CBFA2T2: variants seen among roughly 807,000 people sequenced by gnomAD.
CBFA2T2 encodes CBFA2/RUNX1 partner transcriptional co-repressor 2, also known as protein CBFA2T2.
A neutral mutation model predicts 62.2 loss-of-function variants in CBFA2T2; 11 were observed. That is an observed-to-expected ratio of 0.18 (90% CI 0.11 to 0.29). The LOEUF is 0.29. Among genes scored for constraint, CBFA2T2 ranks in the 10% least tolerant of loss-of-function variants. The pLI is 1.00. For synonymous variants in CBFA2T2, 295 were observed against 287.5 expected, an observed-to-expected ratio of 1.03 and a Z score of -0.27; for missense variants, 592 against 774.1, an observed-to-expected ratio of 0.76 and a Z score of 2.79.
At chr20:33,593,048 T>A (rs1386969882) in intron 1 of CBFA2T2, among the ~76,000 whole-genome samples, 6 of 152,156 alleles carry the variant, frequency 3.9e-5, no homozygotes, top group Non-Finnish European at 8.8e-5. Context: ...TGAAAAATTA[T>A]GACCAGGCAC....
chr20:33,572,320 C>G (rs935374829), intron 1 of CBFA2T2, among the ~76,000 whole-genome samples: 1 of 152,054 alleles, frequency 6.6e-6, no homozygotes, highest in African/African-American at 2.4e-5. Context: ...CCAGCTTGCT[C>G]TCAAGTGGTT....
At chr20:33,577,216 C>G (rs901038416) in intron 1 of CBFA2T2, among the ~76,000 whole-genome samples, 4 of 152,222 alleles carry the variant, frequency 2.6e-5, no homozygotes, top group South Asian at 2.1e-4. Context: ...TGTGCCTATA[C>G]TAAGTATTTA....
At chr20:33,591,463 A>T (rs2014625333) in intron 1 of CBFA2T2, among the ~76,000 whole-genome samples, 1 of 136,122 alleles carries the variant, frequency 7.3e-6, no homozygotes. Context: ...AACAGAGTAA[A>T]TCTCAAAAAA....
chr20:33,546,131 T>C (rs2012560208), intron 1 of CBFA2T2, among the ~76,000 whole-genome samples: 1 of 152,224 alleles, frequency 6.6e-6, no homozygotes, highest in African/African-American at 2.4e-5. Flanking sequence ...GAAGAGGTGC[T>C]TATTTGTATA....
At chr20:33,593,861 A>T (rs1451867810) in intron 1 of CBFA2T2, among the ~76,000 whole-genome samples, 1 of 152,150 alleles carries the variant, frequency 6.6e-6, no homozygotes. Context: ...TTCTGTCCAC[A>T]CATATCCCAA....
rs567849261 is a variant in CBFA2T2, at chr20:33,647,904, G to T, written c.*3258G>T. On this transcript the variant is annotated 3_prime_UTR_variant, in exon 11 of 11. Coordinates refer to ENST00000342704, the MANE Select transcript of CBFA2T2 (RefSeq NM_001032999.3). The stretch of plus-strand genomic sequence containing the variant: ...CCTTCTGCTGTGTTAATTCTGGTCA[G>T]TTTCACACAGAAGTCACGAGGGCCT... 6 of 152,378 alleles carry T rather than the reference G, an allele frequency of 3.9e-5. No individual in the cohort carries two copies. In the South Asian group the frequency reaches 1.2e-3, roughly 32 times the overall value. The allele number at this position is 152,378 out of a possible 1,614,324, so 9.4% of individuals were successfully genotyped here. A position where few individuals can be genotyped will look rare whatever the true frequency, so the allele number is the denominator to read the frequency against.
At chr20:33,577,582 A>G (rs1328815122) in intron 1 of CBFA2T2, among the ~76,000 whole-genome samples, 1 of 152,250 alleles carries the variant, frequency 6.6e-6, no homozygotes, top group Non-Finnish European at 1.5e-5. Flanking sequence ...CAGGAACTAT[A>G]TAGTAGAATG....
chr20:33,622,718 T>C (rs2016036423), intron 4 of CBFA2T2, among the ~76,000 whole-genome samples: 1 of 152,142 alleles, frequency 6.6e-6, no homozygotes. Context: ...CAGAGATGAG[T>C]TGGGGTCCAG....
intron 1 of CBFA2T2, among the ~76,000 whole-genome samples, chr20:33,572,606 T>C (rs2146904203): frequency 6.6e-6 from 1 of 152,308 alleles, no homozygotes; most frequent in Non-Finnish European, 1.5e-5. Flanking sequence ...GATAAGAATA[T>C]TCCAGTGCAA....
chr20:33,527,710 T>G (rs1244181482), intron 1 of CBFA2T2, among the ~76,000 whole-genome samples: 2 of 151,810 alleles, frequency 1.3e-5, no homozygotes, highest in East Asian at 1.9e-4. Context: ...TTCTTTTTTT[T>G]TTGTTGTATT....
intron 1 of CBFA2T2, among the ~76,000 whole-genome samples, chr20:33,549,938 T>G (rs954316985): frequency 6.7e-6 from 1 of 150,062 alleles, no homozygotes. Flanking sequence ...ACACTGGCAG[T>G]TGGGGTTCAT....
chr20:33,522,766 A>T (rs1022970097), intron 1 of CBFA2T2, among the ~76,000 whole-genome samples: 4 of 152,122 alleles, frequency 2.6e-5, no homozygotes, highest in Non-Finnish European at 5.9e-5. Context: ...ATAAGTAAAT[A>T]AATAAAACAG....
At chr20:33,541,683 A>G (rs912242987) in intron 1 of CBFA2T2, among the ~76,000 whole-genome samples, 4 of 152,110 alleles carry the variant, frequency 2.6e-5, no homozygotes, top group Non-Finnish European at 5.9e-5. Context: ...CATTTTCCCA[A>G]ATCATCTGAA....
chr20:33,530,944 G>A (rs2012042562), intron 1 of CBFA2T2, among the ~76,000 whole-genome samples: 1 of 152,114 alleles, frequency 6.6e-6, no homozygotes, highest in African/African-American at 2.4e-5. Flanking sequence ...GCCGGGTGTG[G>A]TGGCAGGCGC....
intron 1 of CBFA2T2, among the ~76,000 whole-genome samples, chr20:33,589,736 C>T (rs1221630218): frequency 6.6e-6 from 1 of 152,116 alleles, no homozygotes; most frequent in East Asian, 1.9e-4. Flanking sequence ...TGTCTGAATC[C>T]AGCCACTGCC....
chr20:33,565,039 C>T (rs2013247771), intron 1 of CBFA2T2, among the ~76,000 whole-genome samples: 1 of 152,150 alleles, frequency 6.6e-6, no homozygotes, highest in South Asian at 2.1e-4. Flanking sequence ...CCTGCCTCAG[C>T]CTCCAGAGTA....
At chr20:33,577,113 G>C (rs1205456845) in intron 1 of CBFA2T2, among the ~76,000 whole-genome samples, 1 of 152,150 alleles carries the variant, frequency 6.6e-6, no homozygotes, top group Non-Finnish European at 1.5e-5. Flanking sequence ...CAGTCTATTT[G>C]GAAAACACAG....
chr20:33,567,604 C>T (rs1252009805), intron 1 of CBFA2T2, among the ~76,000 whole-genome samples: 17 of 147,646 alleles, frequency 1.2e-4, no homozygotes, highest in African/African-American at 3.8e-4. Flanking sequence ...TAATTTGAGA[C>T]GGAGCTTCAC....
At chr20:33,613,956 G>A (rs368939299) in intron 3 of CBFA2T2, among the ~76,000 whole-genome samples, 6 of 151,808 alleles carry the variant, frequency 4.0e-5, no homozygotes, top group South Asian at 2.1e-4. Flanking sequence ...CATTTGCGGC[G>A]GGCGGATCAT....
Sources: gnomAD v4.1 joint callset for allele counts (sites outside exome capture counted in the v4.1 genomes callset) on GRCh38, gnomAD v4.1.1 for gene constraint, MANE v1.5 for transcripts, NCBI Gene and HGNC (gene_info 2026-07-23, HGNC 2026-07-21) for gene names.